GALNT13: variants seen among roughly 807,000 people sequenced by gnomAD.
GALNT13 encodes polypeptide N-acetylgalactosaminyltransferase 13, also known as UDP-GalNAc:polypeptide N-acetylgalactosaminyltransferase 13.
A neutral mutation model predicts 64.2 loss-of-function variants in GALNT13; 28 were observed. The ratio of observed to expected loss-of-function variants is 0.44; its 90% CI spans 0.32 to 0.60. The LOEUF is 0.60. Ranked by LOEUF, GALNT13 falls within the 20% of genes least tolerant of loss-of-function variation. The probability of loss-of-function intolerance (pLI) is 0.05; values close to 1 mark genes in which losing one functional copy is unlikely to be tolerated. For missense variants in GALNT13, 577 were observed against 669.8 expected, an observed-to-expected ratio of 0.86 and a Z score of 1.53; for synonymous variants, 214 against 224.6, an observed-to-expected ratio of 0.95 and a Z score of 0.42.
At chr2:153,838,484 C>T in the GALNT13 span, among the ~76,000 whole-genome samples, 7,387 of 151,728 alleles carry the variant, frequency 0.049, 279 homozygotes, top group South Asian at 0.14. Flanking sequence ...TTGGGTATAT[C>T]CAGTTTTCCC....
At position 153,893,458 on chromosome 2, in the gene GALNT13, G is replaced by A. The variant is rs141589540; in HGVS notation, c.-176-7478G>A. 2.6e-3 allele frequency among the ~76,000 whole-genome samples: 389 copies of A among 151,956 alleles called. 1 individual carries two copies. Among genetic ancestry groups the A allele is most frequent in the Middle Eastern group, 0.01 (3 of 294 alleles). On this transcript the variant is annotated intron_variant, in intron 1 of 12. Coordinates refer to ENST00000392825, the MANE Select transcript of GALNT13 (RefSeq NM_052917.4). ...GAATATTTGGAAAATTAGAAAAAAT[G>A]TAAAAAAGAATATGAAAATTACTTA...
Position 154,152,466 on chromosome 2 carries a change from A to G in GALNT13, c.311+11961A>G, listed in dbSNP as rs543643881. ...GGCGTTCTCTGTATTTCCTGAATCC[A>G]AATGTTGGCCTGCCTTGCTAGATTG... On this transcript the variant is annotated intron_variant, in intron 4 of 12. Transcript: ENST00000392825. 5.2e-4 allele frequency among the ~76,000 whole-genome samples: 79 copies of G among 152,124 alleles called. 1 individual carries two copies. The highest frequency in any genetic ancestry group is 3.5e-3 in the South Asian group (17 of 4,814).
the GALNT13 span, among the ~76,000 whole-genome samples, chr2:153,335,197 A>G: frequency 6.6e-6 from 1 of 152,188 alleles, no homozygotes; most frequent in Admixed American, 6.5e-5. Flanking sequence ...TGTCTTTATC[A>G]GCAGCATGAA....
At chr2:154,234,288 T>C (rs1432802545) in intron 4 of GALNT13, among the ~76,000 whole-genome samples, 1 of 152,188 alleles carries the variant, frequency 6.6e-6, no homozygotes, top group Non-Finnish European at 1.5e-5. Flanking sequence ...GTGCTTCATA[T>C]TATAAGAATA....
intron 2 of GALNT13, among the ~76,000 whole-genome samples, chr2:153,913,867 G>T (rs1010739226): frequency 6.6e-6 from 1 of 152,096 alleles, no homozygotes; most frequent in Non-Finnish European, 1.5e-5. Flanking sequence ...TGATGTTCTG[G>T]TCCCTTGGAG....
chr2:153,196,870 A>T, the GALNT13 span, among the ~76,000 whole-genome samples: 1 of 152,004 alleles, frequency 6.6e-6, no homozygotes, highest in East Asian at 1.9e-4. Context: ...TGTTCCATGC[A>T]CTTGTCCCTG....
At chr2:153,818,654 C>T in the GALNT13 span, among the ~76,000 whole-genome samples, 1 of 152,154 alleles carries the variant, frequency 6.6e-6, no homozygotes, top group African/African-American at 2.4e-5. Flanking sequence ...GGCTTGGCAC[C>T]TCCTTTGTGT....
intron 3 of GALNT13, among the ~76,000 whole-genome samples, chr2:154,027,491 T>C (rs1698055208): frequency 6.6e-6 from 1 of 152,128 alleles, no homozygotes; most frequent in Non-Finnish European, 1.5e-5. Context: ...AATGAAAATA[T>C]GTTATAGATG....
the GALNT13 span, chr2:153,173,352 T>C: frequency 1.3e-5 from 2 of 152,152 alleles, no homozygotes; most frequent in African/African-American, 4.8e-5. Flanking sequence ...AGTGACATGA[T>C]ATCAAACTAT....
At chr2:153,610,494 G>T in the GALNT13 span, among the ~76,000 whole-genome samples, 1 of 152,038 alleles carries the variant, frequency 6.6e-6, no homozygotes, top group Non-Finnish European at 1.5e-5. Context: ...GTCCAACATG[G>T]CGAAACCCTG....
At chr2:153,410,065 A>C in the GALNT13 span, among the ~76,000 whole-genome samples, 1 of 152,204 alleles carries the variant, frequency 6.6e-6, no homozygotes, top group South Asian at 2.1e-4. Flanking sequence ...AGTAGGGCAA[A>C]GTCTTCAAAG....
In GALNT13 at chr2:154,291,495, C is replaced by T. The variant is rs186554940; in HGVS notation, c.976-9914C>T. Among the ~76,000 whole-genome samples, 37 of 152,348 alleles carry T rather than the reference C, an allele frequency of 2.4e-4. 1 individual carries two copies. The East Asian group carries it at 4.6e-3, about 19-fold the overall frequency. ...GCTGGCTTCACCTCTCAATGGCACT[C>T]GCTGGGGGACTTTGCGGCACCTAGC... On this transcript the variant is annotated intron_variant, in intron 8 of 12. Coordinates refer to ENST00000392825, the MANE Select transcript of GALNT13 (RefSeq NM_052917.4).
At chr2:154,218,766 A>G (rs1688177089) in intron 4 of GALNT13, among the ~76,000 whole-genome samples, 1 of 152,006 alleles carries the variant, frequency 6.6e-6, no homozygotes, top group African/African-American at 2.4e-5. Context: ...TACCTTAAAC[A>G]TTAGTATTCA....
the GALNT13 span, among the ~76,000 whole-genome samples, chr2:153,463,778 G>C: frequency 6.6e-6 from 1 of 151,992 alleles, no homozygotes; most frequent in African/African-American, 2.4e-5. Flanking sequence ...ACTTGATTCT[G>C]GCTGTTCTAA....
the GALNT13 span, among the ~76,000 whole-genome samples, chr2:153,153,605 A>G: frequency 6.7e-6 from 1 of 150,182 alleles, no homozygotes; most frequent in African/African-American, 2.4e-5. Context: ...AATCTTCTCC[A>G]TATGGCTAGC....
the GALNT13 span, among the ~76,000 whole-genome samples, chr2:153,664,883 G>A: frequency 6.6e-6 from 1 of 152,182 alleles, no homozygotes; most frequent in Admixed American, 6.5e-5. Flanking sequence ...AACCAAATGA[G>A]AATTGCCCTT....
intron 3 of GALNT13, among the ~76,000 whole-genome samples, chr2:154,092,981 C>A (rs1179576932): frequency 6.6e-6 from 1 of 151,824 alleles, no homozygotes; most frequent in African/African-American, 2.4e-5. Context: ...AAATGTAAAA[C>A]GCACAACACG....
chr2:153,661,113 A>G, the GALNT13 span, among the ~76,000 whole-genome samples: 1 of 152,256 alleles, frequency 6.6e-6, no homozygotes, highest in South Asian at 2.1e-4. Flanking sequence ...ATTATCTAGT[A>G]TCTAACCTGG....
the GALNT13 span, among the ~76,000 whole-genome samples, chr2:153,215,510 A>G: frequency 6.6e-6 from 1 of 152,122 alleles, no homozygotes; most frequent in African/African-American, 2.4e-5. Flanking sequence ...TGCAAAATCC[A>G]TATTGCTCCC....
Sources: gnomAD v4.1 joint callset for allele counts (sites outside exome capture counted in the v4.1 genomes callset) on GRCh38, gnomAD v4.1.1 for gene constraint, MANE v1.5 for transcripts, NCBI Gene and HGNC (gene_info 2026-07-23, HGNC 2026-07-21) for gene names.